The following ELAPOR1 variants were observed in gnomAD, a reference collection of about 807,000 sequenced individuals.
ELAPOR1 encodes the protein endosome/lysosome-associated apoptosis and autophagy regulator 1.
In ELAPOR1, 77 loss-of-function variants were observed where a neutral mutation model predicts 119.7. The observed-to-expected ratio is 0.64, with a 90% CI of 0.54 to 0.78. The LOEUF (loss-of-function observed/expected upper bound fraction) is 0.78, where lower values mean the gene tolerates loss of function less well. Among genes scored for constraint, ELAPOR1 ranks in the 30% least tolerant of loss-of-function variants. The pLI, the probability that ELAPOR1 is intolerant of heterozygous loss-of-function variation, is 0.00. For synonymous variants in ELAPOR1, 481 were observed against 487.2 expected, an observed-to-expected ratio of 0.99 and a Z score of 0.17; for missense variants, 1,115 against 1,270.4, an observed-to-expected ratio of 0.88 and a Z score of 1.86.
intron 14 of ELAPOR1, among the ~76,000 whole-genome samples, chr1:109,193,105 G>T (rs758020066): frequency 1.3e-5 from 2 of 152,004 alleles, no homozygotes; most frequent in African/African-American, 4.8e-5. Flanking sequence ...TCTTTAGTTG[G>T]CAGGTAAGAG....
intron 14 of ELAPOR1, among the ~76,000 whole-genome samples, chr1:109,193,843 C>T (rs916363631): frequency 1.3e-5 from 2 of 152,172 alleles, no homozygotes; most frequent in African/African-American, 4.8e-5. Flanking sequence ...CCTGGAGCTC[C>T]CTCTGCTGCT....
chr1:109,201,299 T>C (rs1654160441), intron 21 of ELAPOR1: 1 of 457,358 alleles, frequency 2.2e-6, no homozygotes, highest in African/African-American at 2.0e-5. Flanking sequence ...CTTTGACCAG[T>C]GGGGGGTGCT....
intron 7 of ELAPOR1, among the ~76,000 whole-genome samples, chr1:109,174,755 G>A (rs558158381): frequency 2.6e-5 from 4 of 151,638 alleles, no homozygotes; most frequent in Non-Finnish European, 4.4e-5. Context: ...TTTCTCTGTC[G>A]CCCAGGCTGG....
At position 109,172,110 on chromosome 1, in the gene ELAPOR1, G is replaced by A. The variant is rs1570680636; in HGVS notation, c.615+97G>A. 8 of 1,431,908 alleles carry A rather than the reference G, an allele frequency of 5.6e-6. No individual in the cohort carries two copies. In the East Asian group the frequency reaches 6.9e-5, roughly 12 times the overall value. 88.7% of individuals were successfully genotyped at this position (1,431,908 alleles called of 1,614,324 possible). ...CATCATGAGTGTAGCCCTGCTTGGG[G>A]GAATCACTGTTGTTTTCTCTCTGGA... On this transcript the variant is annotated intron_variant, in intron 4 of 21. Transcript: ENST00000369939.
intron 16 of ELAPOR1, 51 bp downstream of exon 16, chr1:109,197,705 GTGTGTGTGTA>G: frequency 6.4e-7 from 1 of 1,552,420 alleles, no homozygotes. Flanking sequence ...GTGTGTGTGT[GTGTGTGTGTA>G]TGTGTAAGAG....
At chr1:109,172,816 C>A (rs757571726) in intron 5 of ELAPOR1, among the ~76,000 whole-genome samples, 1 of 152,098 alleles carries the variant, frequency 6.6e-6, no homozygotes. Context: ...GGTCTTCTGC[C>A]GGGCATGGTG....
In ELAPOR1 at chr1:109,200,781, G is replaced by A. The variant is rs866285242; in HGVS notation, c.2854G>A (p.Asp952Asn). ...GCTGGTGATGAATGCTACTCTCAAG[G>A]ACTGTGACCTGCCAGCAGCTGACAG... is the stretch of plus-strand genomic sequence containing the variant. ...SKLVMNATLK[D>N]CDLPAADSCA... Residue 952 changes from aspartate to asparagine, a missense_variant, in exon 21 of 22, where the codon GAC becomes AAC. Transcript: ENST00000369939. The A allele has an allele frequency of 1.9e-6, 3 of 1,614,198 alleles. No individual in the cohort carries two copies. The highest frequency in any genetic ancestry group is 2.5e-6 in the Non-Finnish European group (3 of 1,180,036).
At chr1:109,121,300 T>C (rs1648398669) in intron 1 of ELAPOR1, among the ~76,000 whole-genome samples, 1 of 151,756 alleles carries the variant, frequency 6.6e-6, no homozygotes, top group South Asian at 2.1e-4. Flanking sequence ...GCATCTGCCA[T>C]CACTCCCGGC....
chr1:109,183,015 T>G (rs1488559572), intron 7 of ELAPOR1, among the ~76,000 whole-genome samples: 2 of 152,154 alleles, frequency 1.3e-5, no homozygotes, highest in African/African-American at 4.8e-5. Context: ...AGTAACAGTA[T>G]TGTAATGTGC....
intron 1 of ELAPOR1, among the ~76,000 whole-genome samples, chr1:109,140,699 C>A (rs1649774109): frequency 1.3e-5 from 2 of 152,138 alleles, no homozygotes. Flanking sequence ...GGCACCGCTC[C>A]TGGCTTGAGG....
chr1:109,159,007 C>T (rs1218162328), intron 1 of ELAPOR1, among the ~76,000 whole-genome samples: 1 of 151,294 alleles, frequency 6.6e-6, no homozygotes, highest in Non-Finnish European at 1.5e-5. Flanking sequence ...AAGCGATTCT[C>T]TTGCCTCAGC....
intron 21 of ELAPOR1, 123 bp downstream of exon 21, chr1:109,201,023 T>C: frequency 2.3e-6 from 2 of 884,454 alleles, no homozygotes; most frequent in African/African-American, 3.4e-5. Context: ...CCCGATACAA[T>C]TCCATTTCCC....
At position 109,173,527 on chromosome 1, in the gene ELAPOR1, A is replaced by G; in HGVS notation, c.750A>G (p.Ser250=). The change falls in exon 6 of 22, where the codon TCA becomes TCG. Residue 250 remains serine, a synonymous_variant. Coordinates refer to ENST00000369939, the MANE Select transcript of ELAPOR1 (RefSeq NM_020775.5). ...TCTATTGGAGAACCACAGCCTTCTC[A>G]GTATGGACCAAAGTACCCAAGCCTG... is the stretch of plus-strand genomic sequence containing the variant. The part of the protein sequence containing the change: ...NVLYWRTTAF[S]VWTKVPKPVL... 6.2e-7 allele frequency: 1 copy of G among 1,614,242 alleles called. No individual in the cohort carries two copies. Among genetic ancestry groups the G allele is most frequent in the African/African-American group, 1.3e-5 (1 of 75,058 alleles).
At chr1:109,137,221 T>G (rs986509494) in intron 1 of ELAPOR1, among the ~76,000 whole-genome samples, 9 of 152,170 alleles carry the variant, frequency 5.9e-5, no homozygotes, top group Non-Finnish European at 1.0e-4. Flanking sequence ...TTATTTATTT[T>G]GAGATGGTGT....
At chr1:109,183,337 AAAAAAAAAAAAC>A (rs1187765877) in intron 7 of ELAPOR1, among the ~76,000 whole-genome samples, 8 of 46,222 alleles carry the variant, frequency 1.7e-4, no homozygotes, top group African/African-American at 3.7e-4. Flanking sequence ...CCAAAAAAAA[AAAAAAAAAAAAC>A]AAAAAAAAGA....
chr1:109,129,501 G>C (rs1369336928), intron 1 of ELAPOR1, among the ~76,000 whole-genome samples: 1 of 152,220 alleles, frequency 6.6e-6, no homozygotes, highest in Non-Finnish European at 1.5e-5. Context: ...GACAGAGTGA[G>C]ACTCCGTCTC....
intron 15 of ELAPOR1, among the ~76,000 whole-genome samples, chr1:109,195,731 A>G (rs1653751003): frequency 6.6e-6 from 1 of 152,274 alleles, no homozygotes; most frequent in South Asian, 2.1e-4. Context: ...GATTGTCACC[A>G]TCAGCCATTT....
Position 109,204,697 on chromosome 1 carries a change from A to AT in ELAPOR1, c.*1685_*1686insT, listed in dbSNP as rs1654388100. 6.6e-6 allele frequency: 1 copy of AT among 152,348 alleles called. No homozygotes were observed. The highest frequency in any genetic ancestry group is 2.4e-5 in the African/African-American group (1 of 41,468). 9.4% of individuals were successfully genotyped at this position (152,348 alleles called of 1,614,324 possible). On this transcript the variant is annotated 3_prime_UTR_variant, in exon 22 of 22. Transcript: ENST00000369939. ...AATAAACGTCTAGGCTGGCCAAAAA[A>AT]GGAACTGAATCCCAGGCCCATACGC...
chr1:109,132,026 T>G (rs887421015), intron 1 of ELAPOR1, among the ~76,000 whole-genome samples: 2 of 152,204 alleles, frequency 1.3e-5, no homozygotes, highest in African/African-American at 4.8e-5. Context: ...GACTTGTGTT[T>G]TTTGAGCAGG....
Sources: allele counts gnomAD v4.1 joint callset (sites outside exome capture counted in the v4.1 genomes callset), GRCh38; gene constraint gnomAD v4.1.1; transcripts MANE v1.5; gene names NCBI Gene and HGNC (gene_info 2026-07-23, HGNC 2026-07-21).